ADGB: variants seen among roughly 807,000 people sequenced by gnomAD.
The protein encoded by ADGB is androglobin, also known as calpain-7-like protein.
A neutral mutation model predicts 210.5 loss-of-function variants in ADGB; 172 were observed. The ratio of observed to expected loss-of-function variants is 0.82; its 90% CI spans 0.72 to 0.93. The LOEUF (loss-of-function observed/expected upper bound fraction) is 0.93, where lower values mean the gene tolerates loss of function less well. Ranked by LOEUF, ADGB falls within the 40% of genes least tolerant of loss-of-function variation. The pLI is 0.00. For missense variants in ADGB, 2,025 were observed against 1,964.8 expected, an observed-to-expected ratio of 1.03 and a Z score of -0.58; for synonymous variants, 658 against 662.7, an observed-to-expected ratio of 0.99 and a Z score of 0.11.
intron 3 of ADGB, among the ~76,000 whole-genome samples, chr6:146,651,907 G>A (rs1242288513): frequency 6.6e-6 from 1 of 152,122 alleles, no homozygotes; most frequent in Non-Finnish European, 1.5e-5. Flanking sequence ...CGATTACACT[G>A]TTATAAAATA....
At chr6:146,804,531 G>GTTGCCCA (rs1279121806) in intron 35 of ADGB, among the ~76,000 whole-genome samples, 2 of 151,960 alleles carry the variant, frequency 1.3e-5, no homozygotes, top group Non-Finnish European at 2.9e-5. Flanking sequence ...CATTCTTTCA[G>GTTGCCCA]TTGCCCAAGC....
In ADGB at chr6:146,691,208, A is replaced by G; in HGVS notation, c.1404A>G (p.Val468=). ...LVTRSRSCPL[V]APPKPPPLPP... ...CTAGAAGTAGGTCTTGTCCTCTGGTAGCACCACCAAAACCACCTCCTCTAC... is the reference window on the plus strand; with the variant it reads ...CTAGAAGTAGGTCTTGTCCTCTGGTGGCACCACCAAAACCACCTCCTCTAC... The change falls in exon 11 of 36, where the codon GTA becomes GTG. Residue 468 remains valine (V), a synonymous_variant. Transcript: ENST00000397944. The G allele has an allele frequency of 2.6e-6, 4 of 1,549,688 alleles. No individual in the cohort carries two copies. The South Asian group carries it at 3.6e-5, about 14-fold the overall frequency.
At chr6:146,794,310 TC>T (rs776095105) in intron 33 of ADGB, among the ~76,000 whole-genome samples, 1 of 152,124 alleles carries the variant, frequency 6.6e-6, no homozygotes, top group Non-Finnish European at 1.5e-5. Context: ...TTTCCCATAC[TC>T]CTAGAGTACT....
At chr6:146,691,015 A>G in intron 10 of ADGB, 101 bp from the exon 11 acceptor site, 1 of 913,108 alleles carries the variant, frequency 1.1e-6, no homozygotes, top group Non-Finnish European at 1.5e-6. Context: ...TTTTTTTCTT[A>G]CTACCACCAT....
At chr6:146,701,120 T>G in intron 13 of ADGB, 50 bp downstream of exon 13, 1 of 1,538,986 alleles carries the variant, frequency 6.5e-7, no homozygotes, top group East Asian at 2.5e-5. Flanking sequence ...AGACAAGATT[T>G]TTTTCCTTAC....
chr6:146,781,071 T>A (rs1354361330), intron 29 of ADGB, among the ~76,000 whole-genome samples: 1 of 149,472 alleles, frequency 6.7e-6, no homozygotes, highest in African/African-American at 2.5e-5. Context: ...CTCACGCCTG[T>A]AATCCCAGCA....
intron 1 of ADGB, among the ~76,000 whole-genome samples, chr6:146,628,556 C>A (rs1001658300): frequency 3.3e-5 from 5 of 151,764 alleles, no homozygotes; most frequent in Admixed American, 1.3e-4. Flanking sequence ...TTTTTTTTAA[C>A]CTTATTTCCT....
At chr6:146,676,549 C>A in intron 9 of ADGB, 108 bp downstream of exon 9, 2 of 1,075,130 alleles carry the variant, frequency 1.9e-6, no homozygotes, top group Non-Finnish European at 2.4e-6. Flanking sequence ...ACTAAATAAA[C>A]TTAGTCAAGG....
chr6:146,764,960 T>G (rs1179471463), intron 28 of ADGB, among the ~76,000 whole-genome samples: 1 of 152,014 alleles, frequency 6.6e-6, no homozygotes, highest in Non-Finnish European at 1.5e-5. Flanking sequence ...CCACCACACC[T>G]GACTAATTTT....
At chr6:146,728,540 G>C in intron 19 of ADGB, 34 bp from the exon 20 acceptor site, 1 of 1,539,162 alleles carries the variant, frequency 6.5e-7, no homozygotes, top group Non-Finnish European at 8.8e-7. Flanking sequence ...ACTTAAGGAT[G>C]AGTGAGGATG....
rs921457362 is a variant in ADGB, at chr6:146,815,092, T to C, written c.4879T>C (p.Leu1627=). The C allele has an allele frequency of 2.4e-5, 37 of 1,548,680 alleles. No homozygotes were observed. Among genetic ancestry groups the C allele is most frequent in the Non-Finnish European group, 3.2e-5 (37 of 1,146,314 alleles). The change falls in exon 36 of 36, where the codon TTG becomes CTG. Residue 1627 remains leucine (L), a synonymous_variant. Coordinates refer to ENST00000397944, the MANE Select transcript of ADGB (RefSeq NM_024694.4). ...FDIREEYRNK[L]LEAEHLKLET... ...CATCCGGGAAGAGTACAGAAACAAA[T>C]TGCTGGAAGCTGAGCACCTAAAGCT...
At chr6:146,620,740 A>T (rs992321180) in intron 1 of ADGB, among the ~76,000 whole-genome samples, 1 of 152,210 alleles carries the variant, frequency 6.6e-6, no homozygotes, top group South Asian at 2.1e-4. Context: ...GTGATTCTCT[A>T]AACCTCTTTA....
chr6:146,782,958 G>T (rs780651630), intron 30 of ADGB, among the ~76,000 whole-genome samples: 75 of 152,180 alleles, frequency 4.9e-4, no homozygotes, highest in Non-Finnish European at 9.0e-4. Context: ...TGGAACTAGG[G>T]GTATTTAAGA....
intron 7 of ADGB, among the ~76,000 whole-genome samples, chr6:146,671,597 GAGGTGACACACA>G (rs1776009389): frequency 6.6e-6 from 1 of 152,132 alleles, no homozygotes; most frequent in South Asian, 2.1e-4. Flanking sequence ...TAATGATTTA[GAGGTGACACACA>G]TTTATGGATA....
At chr6:146,695,785 A>C (rs1776393471) in intron 12 of ADGB, among the ~76,000 whole-genome samples, 1 of 151,930 alleles carries the variant, frequency 6.6e-6, no homozygotes, top group Non-Finnish European at 1.5e-5. Context: ...ACAGTATTAT[A>C]TTATTTTTAG....
At chr6:146,775,805 C>T (rs1185117504) in intron 29 of ADGB, among the ~76,000 whole-genome samples, 1 of 151,610 alleles carries the variant, frequency 6.6e-6, no homozygotes, top group African/African-American at 2.4e-5. Context: ...TTATTAAATA[C>T]ATGTTATATG....
rs540545059 is a variant in ADGB, at chr6:146,725,767, G to A, written c.2238-316G>A. The stretch of plus-strand genomic sequence containing the variant: ...TATACCTGCTTGAGTTTTTCTTGTT[G>A]TTAGGGAGAAATCAAGACTAGTCTT... On this transcript the variant is annotated intron_variant, in intron 18 of 35. Transcript: ENST00000397944. 33 of 203,984 alleles carry A rather than the reference G, an allele frequency of 1.6e-4. 1 individual carries two copies. In the South Asian group the frequency reaches 5.3e-3, roughly 33 times the overall value. The allele number at this position is 203,984 out of a possible 1,614,324, so 12.6% of individuals were successfully genotyped here. A position where few individuals can be genotyped will look rare whatever the true frequency, so the allele number is the denominator to read the frequency against.
intron 18 of ADGB, chr6:146,724,941 G>A (rs954405078): frequency 6.6e-6 from 1 of 152,032 alleles, no homozygotes; most frequent in African/African-American, 2.4e-5. Flanking sequence ...TTTTCACTAG[G>A]CTTTGAAATA....
intron 6 of ADGB, among the ~76,000 whole-genome samples, chr6:146,665,927 A>G (rs1016949677): frequency 1.3e-5 from 2 of 152,098 alleles, no homozygotes; most frequent in African/African-American, 4.8e-5. Flanking sequence ...TTGCAAAGTC[A>G]CTTCATAAAT....
Sources: gnomAD v4.1 joint callset for allele counts (sites outside exome capture counted in the v4.1 genomes callset) on GRCh38, gnomAD v4.1.1 for gene constraint, MANE v1.5 for transcripts, NCBI Gene and HGNC (gene_info 2026-07-23, HGNC 2026-07-21) for gene names.